The following RGSL1 variants were observed in gnomAD, a reference collection of about 807,000 sequenced individuals.
The protein encoded by RGSL1 is regulator of G protein signaling protein-like.
In RGSL1, 97 loss-of-function variants were observed where a neutral mutation model predicts 124.7. The ratio of observed to expected loss-of-function variants is 0.78; its 90% CI spans 0.66 to 0.92. The LOEUF (loss-of-function observed/expected upper bound fraction) is 0.92, where lower values mean the gene tolerates loss of function less well. Among genes scored for constraint, RGSL1 ranks in the 40% least tolerant of loss-of-function variants. The pLI is 0.00. For synonymous variants in RGSL1, 424 were observed against 438.1 expected, an observed-to-expected ratio of 0.97 and a Z score of 0.40; for missense variants, 1,233 against 1,288.4, an observed-to-expected ratio of 0.96 and a Z score of 0.66.
chr1:182,535,797 T>A (rs1332362048), intron 14 of RGSL1, among the ~76,000 whole-genome samples: 1 of 152,218 alleles, frequency 6.6e-6, no homozygotes, highest in Non-Finnish European at 1.5e-5. Context: ...AATCAGTTTT[T>A]AAGCTACAAT....
intron 6 of RGSL1, among the ~76,000 whole-genome samples, chr1:182,487,637 G>C (rs1655190380): frequency 6.6e-6 from 1 of 152,180 alleles, no homozygotes; most frequent in Non-Finnish European, 1.5e-5. Flanking sequence ...ACCTCTGTTA[G>C]AGCATGTGTT....
At chr1:182,543,707 C>G (rs1466654420) in intron 15 of RGSL1, among the ~76,000 whole-genome samples, 1 of 152,004 alleles carries the variant, frequency 6.6e-6, no homozygotes, top group East Asian at 1.9e-4. Context: ...TGGCTTCAAT[C>G]TTGTTACTCA....
chr1:182,489,546 A>G (rs1655368679), intron 8 of RGSL1, among the ~76,000 whole-genome samples: 1 of 152,214 alleles, frequency 6.6e-6, no homozygotes, highest in Admixed American at 6.5e-5. Context: ...TCATGCATCT[A>G]ATAAGCATGT....
chr1:182,479,436 C>T (rs1465872835), intron 6 of RGSL1, among the ~76,000 whole-genome samples: 6 of 152,088 alleles, frequency 3.9e-5, no homozygotes, highest in Non-Finnish European at 5.9e-5. Flanking sequence ...CAGCTTAAAA[C>T]AGATTTATGA....
upstream of RGSL1, chr1:182,449,308 T>C (rs1651651893): frequency 6.6e-6 from 1 of 152,250 alleles, no homozygotes; most frequent in Non-Finnish European, 1.5e-5. Flanking sequence ...ATGTAAGTGA[T>C]ATTGTATTGA....
chr1:182,528,970 A>G (rs1189742704), intron 11 of RGSL1, among the ~76,000 whole-genome samples: 1 of 152,176 alleles, frequency 6.6e-6, no homozygotes, highest in African/African-American at 2.4e-5. Flanking sequence ...TTGTAAAACC[A>G]TCAGATCTCA....
chr1:182,512,061 T>C (rs2102201575), intron 9 of RGSL1, among the ~76,000 whole-genome samples: 1 of 152,344 alleles, frequency 6.6e-6, no homozygotes, highest in East Asian at 1.9e-4. Context: ...TAAATGCTAC[T>C]AATTTTTGTA....
chr1:182,456,730 T>G (rs1278603756), intron 2 of RGSL1, among the ~76,000 whole-genome samples: 4 of 152,226 alleles, frequency 2.6e-5, no homozygotes, highest in African/African-American at 4.8e-5. Context: ...TCCTAGCCAC[T>G]TAGGCAGCTG....
intron 9 of RGSL1, among the ~76,000 whole-genome samples, chr1:182,493,822 A>G (rs1655710715): frequency 1.3e-5 from 2 of 152,182 alleles, no homozygotes; most frequent in African/African-American, 4.8e-5. Flanking sequence ...TTTGGCCCTG[A>G]AGGGAGGTTC....
chr1:182,507,912 AG>A (rs1479581535), intron 9 of RGSL1, among the ~76,000 whole-genome samples: 1 of 152,132 alleles, frequency 6.6e-6, no homozygotes, highest in African/African-American at 2.4e-5. Context: ...CATGTTGCCC[AG>A]GCTGATCTCG....
chr1:182,536,542 A>G (rs266526), intron 14 of RGSL1, among the ~76,000 whole-genome samples: 91,332 of 152,110 alleles, frequency 0.6, 28,394 homozygotes, highest in Non-Finnish European at 0.68. Context: ...ATTTTGTCTG[A>G]TGACTAATGA....
intron 14 of RGSL1, 111 bp from the exon 15 acceptor site, chr1:182,540,136 A>G: frequency 9.2e-7 from 1 of 1,084,556 alleles, no homozygotes; most frequent in Non-Finnish European, 1.3e-6. Flanking sequence ...CTATTTCAGT[A>G]GGCCAAAAGG....
At chr1:182,492,022 GA>G (rs1304668184) in intron 8 of RGSL1, among the ~76,000 whole-genome samples, 1 of 151,604 alleles carries the variant, frequency 6.6e-6, no homozygotes, top group Non-Finnish European at 1.5e-5. Context: ...GCTCTTTCTA[GA>G]AAAAAAATCC....
At chr1:182,459,935 A>G in intron 3 of RGSL1, 69 bp from the exon 4 acceptor site, 1 of 1,514,350 alleles carries the variant, frequency 6.6e-7, no homozygotes, top group Non-Finnish European at 8.9e-7. Flanking sequence ...GTTGCCACTT[A>G]CTAAGTTGTA....
At chr1:182,543,553 G>T (rs1219030812) in intron 15 of RGSL1, among the ~76,000 whole-genome samples, 1 of 151,986 alleles carries the variant, frequency 6.6e-6, no homozygotes, top group East Asian at 1.9e-4. Flanking sequence ...TTGGGTCAAT[G>T]TTGGCCTTGT....
At chr1:182,543,502 G>C (rs141007624) in intron 15 of RGSL1, among the ~76,000 whole-genome samples, 4 of 152,162 alleles carry the variant, frequency 2.6e-5, no homozygotes, top group Non-Finnish European at 2.9e-5. Context: ...ATATTGGCCT[G>C]TAGTTTTCTT....
rs1225424630 is a variant in RGSL1, at chr1:182,553,523, A to G, written c.3112A>G (p.Ile1038Val). The G allele has an allele frequency of 1.1e-5, 17 of 1,551,842 alleles. No individual in the cohort carries two copies. Among genetic ancestry groups the G allele is most frequent in the African/African-American group, 1.1e-4 (8 of 73,032 alleles). Reference sequence around the variant, plus strand: ...GTGGTTGCAGCCTCAACGGGAAGCAATAAGTTCAGTTCAAAATTGTGAGTT... The same window carrying G: ...GTGGTTGCAGCCTCAACGGGAAGCAGTAAGTTCAGTTCAAAATTGTGAGTT... The part of the protein sequence containing the change: ...IEWLQPQREA[I>V]SSVQNSSSSK... The change falls in exon 19 of 22, where the codon ATA (isoleucine) becomes GTA (valine). Residue 1038 changes from isoleucine (I) to valine (V), a missense_variant. By Grantham distance (29) the Ile-to-Val change is conservative. Transcript: ENST00000294854.
chr1:182,511,885 A>G (rs994863542), intron 9 of RGSL1, among the ~76,000 whole-genome samples: 9 of 152,062 alleles, frequency 5.9e-5, no homozygotes, highest in African/African-American at 2.2e-4. Context: ...GTAACCTTTC[A>G]TTTGTGTATA....
chr1:182,509,521 C>T (rs1378877359), intron 9 of RGSL1, among the ~76,000 whole-genome samples: 4 of 83,390 alleles, frequency 4.8e-5, no homozygotes, highest in Admixed American at 2.9e-4. Flanking sequence ...CCGGACGGGG[C>T]AGCTGGCCGG....
Sources: gnomAD v4.1 joint callset for allele counts (sites outside exome capture counted in the v4.1 genomes callset) on GRCh38, gnomAD v4.1.1 for gene constraint, MANE v1.5 for transcripts, NCBI Gene and HGNC (gene_info 2026-07-23, HGNC 2026-07-21) for gene names.